Variants in SRGAP2B observed in about 807,000 individuals in gnomAD.
SRGAP2B encodes SLIT-ROBO Rho GTPase-activating protein 2B.
Under a neutral mutation model 22.2 loss-of-function variants are expected in SRGAP2B, and 9 were observed. That is an observed-to-expected ratio of 0.41 (90% CI 0.24 to 0.71). The LOEUF is 0.71. SRGAP2B is among the 30% of genes least tolerant of loss of function. The pLI is 0.35. For missense variants in SRGAP2B, 114 were observed against 235.8 expected (o/e 0.48, Z 3.38); for synonymous variants, 36 against 87.4 (o/e 0.41, Z 3.28).
chr1:144,922,692 A>T (rs1247196159), intron 4 of SRGAP2B, among the ~76,000 whole-genome samples: 1 of 150,346 alleles, frequency 6.7e-6, no homozygotes, highest in Admixed American at 6.6e-5. Flanking sequence ...TTGGCTGTAC[A>T]ACTAGGATAT....
At chr1:144,970,055 T>G (rs1483075592) in intron 3 of SRGAP2B, among the ~76,000 whole-genome samples, 1 of 149,606 alleles carries the variant, frequency 6.7e-6, no homozygotes, top group Non-Finnish European at 1.5e-5. Context: ...GGTGGGACTG[T>G]AAACTAGTTC....
At chr1:144,945,533 G>A (rs1486785411) in intron 4 of SRGAP2B, among the ~76,000 whole-genome samples, 1 of 151,776 alleles carries the variant, frequency 6.6e-6, no homozygotes, top group Non-Finnish European at 1.5e-5. Context: ...TGAGTCTACA[G>A]TGAGCTGTAA....
chr1:144,922,951 A>T (rs1553604492), intron 4 of SRGAP2B, among the ~76,000 whole-genome samples: 1 of 151,324 alleles, frequency 6.6e-6, no homozygotes, highest in East Asian at 1.9e-4. Context: ...ATTCCTTGGC[A>T]TGATGTGAAC....
chr1:145,023,147 CAG>C (rs1448547331), intron 2 of SRGAP2B, among the ~76,000 whole-genome samples: 3 of 138,466 alleles, frequency 2.2e-5, no homozygotes, highest in African/African-American at 8.3e-5. Flanking sequence ...AGCCTGGTGA[CAG>C]AGTGAGACTC....
exon 4 of SRGAP2B, chr1:144,955,524 T>C (rs782288888): frequency 2.0e-6 from 2 of 1,019,030 alleles, no homozygotes; most frequent in Admixed American, 2.1e-5. Context: ...CAGGGTGGTA[T>C]GGTCCCTGCT....
intron 2 of SRGAP2B, among the ~76,000 whole-genome samples, chr1:144,998,936 C>T (rs1553619065): frequency 6.6e-6 from 1 of 151,062 alleles, no homozygotes; most frequent in Non-Finnish European, 1.5e-5. Context: ...AATACCAGCA[C>T]TCCTGGGCCA....
chr1:144,905,029 T>C, intron 7 of SRGAP2B, 62 bp downstream of exon 7: 1 of 715,808 alleles, frequency 1.4e-6, no homozygotes, highest in Non-Finnish European at 2.6e-6. Context: ...TCAGGGAATG[T>C]CTGACGAGTA....
At chr1:145,012,352 CT>C (rs1167342333) in intron 2 of SRGAP2B, among the ~76,000 whole-genome samples, 1 of 149,600 alleles carries the variant, frequency 6.7e-6, no homozygotes, top group Admixed American at 6.6e-5. Context: ...TTGCTGGCTT[CT>C]TTTTACTTTT....
chr1:144,917,676 T>TG (rs1553603941), intron 4 of SRGAP2B, among the ~76,000 whole-genome samples: 1 of 143,586 alleles, frequency 7.0e-6, no homozygotes, highest in Non-Finnish European at 1.5e-5. Flanking sequence ...AACAGGCTGC[T>TG]GAAGTGATCT....
intron 4 of SRGAP2B, among the ~76,000 whole-genome samples, chr1:144,945,386 A>T (rs1666418772): frequency 6.6e-6 from 1 of 151,150 alleles, no homozygotes; most frequent in Admixed American, 6.6e-5. Flanking sequence ...ATAATCAAAG[A>T]ACTAAAAACC....
intron 3 of SRGAP2B, among the ~76,000 whole-genome samples, chr1:144,963,753 G>A (rs1667852373): frequency 6.6e-6 from 1 of 152,142 alleles, no homozygotes; most frequent in African/African-American, 2.4e-5. Context: ...ACGTCACTCA[G>A]AAATCCACAC....
At chr1:144,986,901 A>T (rs1553616077) in intron 3 of SRGAP2B, among the ~76,000 whole-genome samples, 1 of 151,040 alleles carries the variant, frequency 6.6e-6, no homozygotes, top group African/African-American at 2.5e-5. Flanking sequence ...GTTATCCATC[A>T]GCCTTTGTTC....
intron 2 of SRGAP2B, among the ~76,000 whole-genome samples, chr1:145,044,848 C>A (rs1649594571): frequency 6.7e-6 from 1 of 148,230 alleles, no homozygotes; most frequent in Non-Finnish European, 1.5e-5. Context: ...TGCCAAGTTG[C>A]AGAGGTATCA....
intron 5 of SRGAP2B, among the ~76,000 whole-genome samples, chr1:144,909,543 C>T (rs1394124535): frequency 1.0e-4 from 15 of 145,080 alleles, no homozygotes; most frequent in Admixed American, 2.0e-4. Flanking sequence ...GCCGAGATCA[C>T]GCCACTGCAC....
chr1:144,994,930 A>G (rs1670553102), intron 3 of SRGAP2B, 78 bp downstream of exon 3: 7 of 690,222 alleles, frequency 1.0e-5, no homozygotes, highest in Non-Finnish European at 1.6e-5. Context: ...AGCTGGATCT[A>G]AGTGGCATAC....
chr1:144,990,574 C>A (rs1470525379), intron 3 of SRGAP2B, among the ~76,000 whole-genome samples: 2 of 136,892 alleles, frequency 1.5e-5, no homozygotes, highest in South Asian at 2.4e-4. Context: ...CAGCCTCCCC[C>A]CTGCACTGTG....
intron 5 of SRGAP2B, among the ~76,000 whole-genome samples, chr1:144,907,126 GGTGTGTGTGTGCGTGTGT>G (rs1446488093): frequency 4.1e-4 from 60 of 146,934 alleles, no homozygotes; most frequent in Middle Eastern, 6.8e-3. Flanking sequence ...GTAGAAGTTG[GGTGTGTGTGTGCGTGTGT>G]GTGTGTGTGT....
chr1:144,956,440 T>A (rs76800404), intron 3 of SRGAP2B, among the ~76,000 whole-genome samples: 1 of 73,328 alleles, frequency 1.4e-5, no homozygotes, highest in Non-Finnish European at 2.8e-5. Context: ...GCTCATTCCC[T>A]TTTTTTTTTT....
chr1:144,928,404 G>T (rs1361837941), intron 4 of SRGAP2B, among the ~76,000 whole-genome samples: 2 of 116,182 alleles, frequency 1.7e-5, no homozygotes, highest in African/African-American at 6.4e-5. Flanking sequence ...CCACTTTTTG[G>T]TTATTTATTT....
Sources: allele counts gnomAD v4.1 joint callset (sites outside exome capture counted in the v4.1 genomes callset), GRCh38; gene constraint gnomAD v4.1.1; transcripts MANE v1.5; gene names NCBI Gene and HGNC (gene_info 2026-07-23, HGNC 2026-07-21).